The following DPP6 variants were observed in gnomAD, a reference collection of about 807,000 sequenced individuals.
DPP6 encodes dipeptidyl peptidase like 6, also known as A-type potassium channel modulatory protein DPP6.
DPP6 carries 69 observed loss-of-function variants against 122.6 expected under a neutral mutation model. The observed-to-expected ratio is 0.56, with a 90% CI of 0.46 to 0.69. DPP6 has a LOEUF of 0.69. Among genes scored for constraint, DPP6 ranks in the 30% least tolerant of loss-of-function variants. The pLI is 0.00. For missense variants in DPP6, 928 were observed against 1,116.9 expected, an observed-to-expected ratio of 0.83 and a Z score of 2.41; for synonymous variants, 418 against 433.1, an observed-to-expected ratio of 0.97 and a Z score of 0.43.
intron 1 of DPP6, among the ~76,000 whole-genome samples, chr7:154,262,631 T>G (rs1284583176): frequency 7.0e-6 from 1 of 142,966 alleles, no homozygotes; most frequent in Non-Finnish European, 1.5e-5. Context: ...ATTTTAAATA[T>G]GTTAGAAAGT....
chr7:153,961,958 T>C (rs1795376647), intron 1 of DPP6, among the ~76,000 whole-genome samples: 3 of 149,434 alleles, frequency 2.0e-5, no homozygotes, highest in African/African-American at 7.5e-5. Context: ...ACCCCTGTGC[T>C]AGAGCACACA....
intron 1 of DPP6, among the ~76,000 whole-genome samples, chr7:154,196,019 T>C (rs1201489197): frequency 6.6e-6 from 1 of 152,210 alleles, no homozygotes; most frequent in African/African-American, 2.4e-5. Context: ...TATTAGCCCC[T>C]CTTACTTTGT....
chr7:154,649,649 C>T (rs1184124088), intron 6 of DPP6, among the ~76,000 whole-genome samples: 2 of 152,208 alleles, frequency 1.3e-5, no homozygotes, highest in Admixed American at 1.3e-4. Context: ...TAGATCTGTG[C>T]CCTCAATGCC....
At chr7:153,995,175 G>A (rs1000518903) in intron 1 of DPP6, among the ~76,000 whole-genome samples, 1 of 152,170 alleles carries the variant, frequency 6.6e-6, no homozygotes, top group Non-Finnish European at 1.5e-5. Context: ...GCCATGGCAA[G>A]GAGGGAAAGC....
intron 1 of DPP6, among the ~76,000 whole-genome samples, chr7:154,428,489 A>C (rs951010030): frequency 2.0e-5 from 3 of 152,178 alleles, no homozygotes; most frequent in African/African-American, 7.2e-5. Flanking sequence ...CAGCAACCCC[A>C]CTATTTGGTA....
At chr7:153,783,165 A>G in the DPP6 span, among the ~76,000 whole-genome samples, 1 of 152,210 alleles carries the variant, frequency 6.6e-6, no homozygotes. Context: ...AAAGCAAGAA[A>G]TAGTGTGTAT....
At chr7:153,910,739 C>G (rs1306028718) in intron 1 of DPP6, among the ~76,000 whole-genome samples, 2 of 152,182 alleles carry the variant, frequency 1.3e-5, no homozygotes, top group Non-Finnish European at 1.5e-5. Context: ...GTGCACAGAA[C>G]CATTGTTCAT....
chr7:154,090,807 GT>G (rs1402385877), intron 1 of DPP6, among the ~76,000 whole-genome samples: 2 of 150,092 alleles, frequency 1.3e-5, no homozygotes, highest in African/African-American at 2.5e-5. Context: ...GCCATAAATA[GT>G]TTGTGTGGCT....
intron 1 of DPP6, among the ~76,000 whole-genome samples, chr7:154,125,828 C>G: frequency 6.6e-6 from 1 of 152,144 alleles, no homozygotes; most frequent in Admixed American, 6.5e-5. Context: ...TTCTGGCCTC[C>G]CTAGCAGAGC....
At chr7:154,136,229 G>A (rs1585456858) in intron 1 of DPP6, among the ~76,000 whole-genome samples, 1 of 152,090 alleles carries the variant, frequency 6.6e-6, no homozygotes, top group East Asian at 1.9e-4. Flanking sequence ...GTTGTTTAAT[G>A]ACAGTCGACT....
At chr7:154,666,904 T>C (rs1838202769) in intron 6 of DPP6, among the ~76,000 whole-genome samples, 1 of 152,214 alleles carries the variant, frequency 6.6e-6, no homozygotes, top group African/African-American at 2.4e-5. Context: ...TTAGGTATTG[T>C]CAGATGTCTC....
chr7:154,235,886 C>T (rs1801182207), intron 1 of DPP6, among the ~76,000 whole-genome samples: 1 of 151,974 alleles, frequency 6.6e-6, no homozygotes, highest in Non-Finnish European at 1.5e-5. Flanking sequence ...AAAGTCTCAC[C>T]CTGTTGCCCA....
At chr7:154,147,402 T>G (rs1420471300) in intron 1 of DPP6, among the ~76,000 whole-genome samples, 1 of 152,168 alleles carries the variant, frequency 6.6e-6, no homozygotes, top group Non-Finnish European at 1.5e-5. Flanking sequence ...GTTAACCACT[T>G]TCCTGTAGGT....
the DPP6 span, among the ~76,000 whole-genome samples, chr7:153,877,128 CA>C: frequency 1.6e-4 from 24 of 151,146 alleles, no homozygotes; most frequent in Admixed American, 9.9e-4. Flanking sequence ...AAAACTAAAA[CA>C]AAAAAAACCC....
At chr7:154,420,602 A>G (rs1817390300) in intron 1 of DPP6, among the ~76,000 whole-genome samples, 1 of 152,198 alleles carries the variant, frequency 6.6e-6, no homozygotes, top group South Asian at 2.1e-4. Context: ...CAAAGTTTCC[A>G]TTTGACAGGA....
At chr7:154,477,857 G>T (rs1822890319) in intron 3 of DPP6, among the ~76,000 whole-genome samples, 1 of 152,178 alleles carries the variant, frequency 6.6e-6, no homozygotes, top group Non-Finnish European at 1.5e-5. Context: ...AGCTTTCTTA[G>T]GATGATTCTC....
chr7:153,879,282 T>C, the DPP6 span, among the ~76,000 whole-genome samples: 1 of 152,292 alleles, frequency 6.6e-6, no homozygotes, highest in East Asian at 1.9e-4. Context: ...GCTGCAGGAA[T>C]GTATAATTGT....
rs577006778 is a variant in DPP6 at position 154,375,154 on chromosome 7, C to T, written c.244-71060C>T. Among the ~76,000 whole-genome samples the T allele has an allele frequency of 1.8e-4, 27 of 152,052 alleles. No individual in the cohort carries two copies. The South Asian group carries it at 4.6e-3, about 26-fold the overall frequency. ...GTTCTGGATGTGGAGGGTCAAGAAA[C>T]GCTTTTTTGAGGAGGTGACATTTGA... On this transcript the variant is annotated intron_variant, in intron 1 of 25. Coordinates refer to ENST00000377770, the MANE Select transcript of DPP6 (RefSeq NM_130797.4).
At chr7:154,176,932 C>G (rs1585558428) in intron 1 of DPP6, among the ~76,000 whole-genome samples, 1 of 152,104 alleles carries the variant, frequency 6.6e-6, no homozygotes, top group African/African-American at 2.4e-5. Flanking sequence ...CTTCTGGGCT[C>G]AAGCCATCTT....
Sources: allele counts gnomAD v4.1 joint callset (sites outside exome capture counted in the v4.1 genomes callset), GRCh38; gene constraint gnomAD v4.1.1; transcripts MANE v1.5; gene names NCBI Gene and HGNC (gene_info 2026-07-23, HGNC 2026-07-21).